PRDM10: variants seen among roughly 807,000 people sequenced by gnomAD.
The protein encoded by PRDM10 is PR/SET domain 10.
In PRDM10, 65 loss-of-function variants were observed where a neutral mutation model predicts 133.1. The observed-to-expected ratio is 0.49, with a 90% confidence interval of 0.40 to 0.60. The LOEUF is 0.60. Among genes scored for constraint, PRDM10 ranks in the 20% least tolerant of loss-of-function variants. The pLI is 0.00. For synonymous variants in PRDM10, 582 were observed against 580.4 expected, an observed-to-expected ratio of 1.00 and a Z score of -0.04; for missense variants, 1,137 against 1,507.1, an observed-to-expected ratio of 0.75 and a Z score of 4.07.
At chr11:129,952,265 C>G (rs1951600272) in intron 4 of PRDM10, among the ~76,000 whole-genome samples, 1 of 152,068 alleles carries the variant, frequency 6.6e-6, no homozygotes, top group Non-Finnish European at 1.5e-5. Flanking sequence ...AATATTAAAA[C>G]AACAAAAATT....
chr11:130,000,809 T>C (rs1440938272), intron 1 of PRDM10, among the ~76,000 whole-genome samples: 2 of 152,108 alleles, frequency 1.3e-5, no homozygotes, highest in Non-Finnish European at 2.9e-5. Flanking sequence ...CAATTTATTG[T>C]AAAAGTAAAC....
At chr11:129,991,847 G>A (rs1373039628) in intron 1 of PRDM10, among the ~76,000 whole-genome samples, 1 of 150,394 alleles carries the variant, frequency 6.6e-6, no homozygotes, top group Non-Finnish European at 1.5e-5. Flanking sequence ...AACCGGCCTG[G>A]TGGCGGGTGC....
intron 13 of PRDM10, among the ~76,000 whole-genome samples, chr11:129,921,532 G>A (rs1464610115): frequency 1.3e-5 from 2 of 152,192 alleles, no homozygotes; most frequent in African/African-American, 4.8e-5. Context: ...ATTTATCTGC[G>A]TGAAGAGCTA....
At position 129,946,579 on chromosome 11, in the gene PRDM10, A is replaced by G. The variant is rs113552339; in HGVS notation, c.520+566T>C. Among the ~76,000 whole-genome samples the G allele has an allele frequency of 4.3e-3, 653 of 152,258 alleles. 5 individuals are homozygous for G. The highest frequency in any genetic ancestry group is 0.014 in the African/African-American group (584 of 41,554). The stretch of plus-strand genomic sequence containing the variant: ...AAGCAGTAGGGTGGGGTGGCTGATC[A>G]AGGGCGCTGCCGAGGGGCCAGACTG... On this transcript the variant is annotated intron_variant, in intron 5 of 20. Transcript: ENST00000360871.
intron 6 of PRDM10, among the ~76,000 whole-genome samples, chr11:129,944,398 C>A (rs879632522): frequency 6.6e-6 from 1 of 150,438 alleles, no homozygotes; most frequent in Non-Finnish European, 1.5e-5. Context: ...ATCGAGACCA[C>A]GGTGAAACCC....
At chr11:129,983,449 C>T (rs898296442) in intron 1 of PRDM10, among the ~76,000 whole-genome samples, 9 of 152,072 alleles carry the variant, frequency 5.9e-5, no homozygotes, top group Admixed American at 1.3e-4. Context: ...TGCCCCCCAC[C>T]GCGCCCAGCT....
chr11:129,940,055 A>G (rs185632140), intron 7 of PRDM10, among the ~76,000 whole-genome samples: 140 of 152,368 alleles, frequency 9.2e-4, no homozygotes, highest in Middle Eastern at 3.4e-3. Context: ...TCAAACAGTG[A>G]TGCAGGAAAA....
chr11:129,902,419 T>C lies in PRDM10; in HGVS notation c.3365A>G (p.Asp1122Gly), dbSNP rs1355921898. Reference sequence around the variant, plus strand: ...GCTGTTGGTCTGGGGGTCCAGGGAGTCACTGTGTGCAGGTGGCTCGACCTG... The same window carrying C: ...GCTGTTGGTCTGGGGGTCCAGGGAGCCACTGTGTGCAGGTGGCTCGACCTG... The part of the protein sequence containing the change: ...GVQVEPPAHS[D>G]SLDPQTNSQQ... Residue 1122 changes from aspartate to glycine, a missense_variant, in exon 21 of 21, where the codon GAC becomes GGC. Asp to Gly is a moderately conservative substitution (Grantham distance 94). Transcript: ENST00000360871. 1.2e-6 allele frequency: 2 copies of C among 1,613,934 alleles called. No homozygotes were observed. Among genetic ancestry groups the C allele is most frequent in the East Asian group, 2.2e-5 (1 of 44,904 alleles).
Position 129,918,601 on chromosome 11 carries a change from A to C in PRDM10, c.2152T>G (p.Tyr718Asp), listed in dbSNP as rs1249955833. The part of the protein sequence containing the change: ...TFKPRITSTD[Y>D]DSFTFKCRLC... ...CGGCACTTGAACGTGAAGCTGTCGTAGTCTGTGGACGTGATGCGGGGCTTG... is the reference window on the plus strand; with the variant it reads ...CGGCACTTGAACGTGAAGCTGTCGTCGTCTGTGGACGTGATGCGGGGCTTG... The change falls in exon 14 of 21, where the codon TAC becomes GAC. Residue 718 changes from tyrosine (Y) to aspartate (D), a missense_variant. By Grantham distance (160) the Tyr-to-Asp change is radical. This residue lies in a region of PRDM10 where 78 missense variants were observed against 96.4 expected (regional missense o/e 0.81). Transcript: ENST00000360871. This position sits in a 1 kb window ranked among gnomAD's most constrained non-coding sequence, Gnocchi z 5.3. 6.2e-7 allele frequency: 1 copy of C among 1,614,196 alleles called. No homozygotes were observed. The highest frequency in any genetic ancestry group is 1.7e-5 in the Admixed American group (1 of 60,018).
At chr11:129,969,233 T>C (rs1370071295) in intron 1 of PRDM10, among the ~76,000 whole-genome samples, 1 of 152,224 alleles carries the variant, frequency 6.6e-6, no homozygotes, top group Non-Finnish European at 1.5e-5. Flanking sequence ...GACCCAAGCA[T>C]AAAAAGAGTA....
chr11:129,929,569 C>T, intron 11 of PRDM10: 2 of 671,780 alleles, frequency 3.0e-6, no homozygotes, highest in South Asian at 2.4e-5. Flanking sequence ...GAAAAAAAAA[C>T]AAAATAGCTC....
In PRDM10 at chr11:129,910,611, C is replaced by T. The variant is rs535922456; in HGVS notation, c.3028G>A (p.Gly1010Arg). The change falls in exon 19 of 21, where the codon GGG (glycine) becomes AGG (arginine). Residue 1010 changes from glycine to arginine, a missense_variant. Around this residue, in one of 6 missense-constraint regions of PRDM10, gnomAD observed 243 missense variants for 259.2 expected, o/e 0.94. Transcript: ENST00000360871. ...LSPSAQQAQQ[G>R]LSPSHIQGSS... ...CCCTGGATGTGGGAGGGGCTGAGCC[C>T]CTGCTGAGCCTGCTGGGCTGAGGGA... The T allele has an allele frequency of 1.9e-6, 3 of 1,609,664 alleles. No individual in the cohort carries two copies. The highest frequency in any genetic ancestry group is 2.2e-5 in the South Asian group (2 of 90,746).
Position 129,900,587 on chromosome 11 carries a change from G to A in PRDM10, c.*1726C>T, listed in dbSNP as rs1783908. The A allele has an allele frequency of 0.13, 19,753 of 152,396 alleles. 1,337 individuals carry two copies. Among genetic ancestry groups the A allele is most frequent in the Middle Eastern group, 0.16 (47 of 294 alleles). 9.4% of individuals were successfully genotyped at this position (152,396 alleles called of 1,614,324 possible). On this transcript the variant is annotated 3_prime_UTR_variant, in exon 21 of 21. Coordinates refer to ENST00000360871, the MANE Select transcript of PRDM10 (RefSeq NM_199437.2). ...AATTTAAGTTATAAAAGCTAAAACT[G>A]AACCTTTAGAAAATTCCACTAGTCT... is the stretch of plus-strand genomic sequence containing the variant.
intron 11 of PRDM10, 29 bp downstream of exon 11, chr11:129,930,987 G>A (rs1429315091): frequency 7.0e-6 from 11 of 1,572,708 alleles, no homozygotes; most frequent in Non-Finnish European, 8.6e-6. Context: ...AGCGGCTGGT[G>A]CCAGGAGCCG....
At chr11:129,920,240 G>A (rs1269889723) in intron 13 of PRDM10, among the ~76,000 whole-genome samples, 10 of 152,052 alleles carry the variant, frequency 6.6e-5, no homozygotes, top group African/African-American at 2.4e-4. Flanking sequence ...ACATCGTGAC[G>A]GGCACACATT....
At chr11:129,981,663 A>G (rs937827919) in intron 1 of PRDM10, among the ~76,000 whole-genome samples, 1 of 152,048 alleles carries the variant, frequency 6.6e-6, no homozygotes. Flanking sequence ...TGGGAGGCCG[A>G]GGTGGGTAGA....
At chr11:129,966,685 G>A (rs1451408621) in intron 1 of PRDM10, among the ~76,000 whole-genome samples, 2 of 152,224 alleles carry the variant, frequency 1.3e-5, no homozygotes, top group Non-Finnish European at 2.9e-5. Context: ...GACAGCCCAT[G>A]TGGATGAAGC....
chr11:129,930,284 T>C (rs964774570), intron 11 of PRDM10, among the ~76,000 whole-genome samples: 2 of 152,226 alleles, frequency 1.3e-5, no homozygotes, highest in African/African-American at 4.8e-5. Flanking sequence ...TTGTAAGTCA[T>C]TGGTTTTTAT....
chr11:129,946,966 AGT>A (rs1283780963), intron 5 of PRDM10, among the ~76,000 whole-genome samples, 177 bp downstream of exon 5: 1 of 152,080 alleles, frequency 6.6e-6, no homozygotes, highest in Non-Finnish European at 1.5e-5. Flanking sequence ...AACGAAGGAG[AGT>A]GTCCCTCAAA....
Sources: allele counts gnomAD v4.1 joint callset (sites outside exome capture counted in the v4.1 genomes callset), GRCh38; gene constraint gnomAD v4.1.1; regional missense constraint gnomAD v4.1.1; non-coding constraint Gnocchi (gnomAD v3.1); transcripts MANE v1.5; gene names NCBI Gene and HGNC (gene_info 2026-07-23, HGNC 2026-07-21).